PAM: variants seen among roughly 807,000 people sequenced by gnomAD.
The protein encoded by PAM is peptidyl-glycine alpha-amidating monooxygenase.
A neutral mutation model predicts 122.1 loss-of-function variants in PAM; 72 were observed. That is an observed-to-expected ratio of 0.59 (90% CI 0.49 to 0.72). The LOEUF is 0.72. Among genes scored for constraint, PAM ranks in the 30% least tolerant of loss-of-function variants. The probability of loss-of-function intolerance (pLI) is 0.00; values close to 1 mark genes in which losing one functional copy is unlikely to be tolerated. For synonymous variants in PAM, 389 were observed against 404.4 expected, an observed-to-expected ratio of 0.96 and a Z score of 0.46; for missense variants, 1,106 against 1,183.7, an observed-to-expected ratio of 0.93 and a Z score of 0.96.
chr5:102,851,215 A>G (rs1375734142), intron 1 of PAM, among the ~76,000 whole-genome samples: 2 of 152,214 alleles, frequency 1.3e-5, no homozygotes, highest in African/African-American at 4.8e-5. Context: ...TTTAAATACA[A>G]AAGATTCAGG....
At chr5:102,814,718 C>T (rs1460050655) in intron 1 of PAM, among the ~76,000 whole-genome samples, 3 of 151,570 alleles carry the variant, frequency 2.0e-5, no homozygotes, top group African/African-American at 7.3e-5. Context: ...TTCATAAATT[C>T]ATTTTATTTG....
At chr5:102,903,296 GT>G (rs1473638332) in intron 4 of PAM, among the ~76,000 whole-genome samples, 1 of 151,498 alleles carries the variant, frequency 6.6e-6, no homozygotes, top group African/African-American at 2.4e-5. Flanking sequence ...CTATGCCCAG[GT>G]GGTTTGTGGT....
intron 14 of PAM, among the ~76,000 whole-genome samples, chr5:102,968,186 G>T (rs1764694644): frequency 6.6e-6 from 1 of 152,154 alleles, no homozygotes; most frequent in Non-Finnish European, 1.5e-5. Flanking sequence ...TCAGAAGATG[G>T]TTAATTTAAA....
At chr5:102,777,761 C>T (rs1477159067) in intron 1 of PAM, among the ~76,000 whole-genome samples, 2 of 152,064 alleles carry the variant, frequency 1.3e-5, no homozygotes, top group Non-Finnish European at 2.9e-5. Context: ...TTATTTCCCC[C>T]CAGAAATAGA....
chr5:102,940,666 G>A (rs1229643721), intron 7 of PAM, among the ~76,000 whole-genome samples: 1 of 151,896 alleles, frequency 6.6e-6, no homozygotes, highest in Non-Finnish European at 1.5e-5. Flanking sequence ...CCCAACCAAA[G>A]CCCATGAAGC....
chr5:103,001,783 A>T (rs1777473083), intron 16 of PAM, among the ~76,000 whole-genome samples: 1 of 152,110 alleles, frequency 6.6e-6, no homozygotes, highest in African/African-American at 2.4e-5. Context: ...ATGGCAGCCA[A>T]CTGATGAATG....
At chr5:102,844,522 G>A (rs1486742007) in intron 1 of PAM, among the ~76,000 whole-genome samples, 1 of 152,074 alleles carries the variant, frequency 6.6e-6, no homozygotes, top group Admixed American at 6.6e-5. Flanking sequence ...TAAAAAATCA[G>A]CTGGGCATAG....
chr5:102,936,121 G>C (rs149932250), intron 7 of PAM, among the ~76,000 whole-genome samples: 2 of 152,054 alleles, frequency 1.3e-5, no homozygotes, highest in Admixed American at 6.6e-5. Context: ...TGTTGTATCT[G>C]TGTGGTGGAA....
At chr5:102,967,716 CTT>C (rs199841427) in intron 14 of PAM, among the ~76,000 whole-genome samples, 8 of 131,024 alleles carry the variant, frequency 6.1e-5, no homozygotes, top group Non-Finnish European at 9.6e-5. Flanking sequence ...AAAACTAGGC[CTT>C]TTTTTTTTTT....
chr5:102,796,521 A>G (rs1763416164), intron 1 of PAM, among the ~76,000 whole-genome samples: 1 of 152,174 alleles, frequency 6.6e-6, no homozygotes. Context: ...TCTTGGTAAG[A>G]TTATAATTCT....
At chr5:102,779,172 T>C (rs1406460635) in intron 1 of PAM, among the ~76,000 whole-genome samples, 1 of 151,886 alleles carries the variant, frequency 6.6e-6, no homozygotes, top group Admixed American at 6.6e-5. Flanking sequence ...GAAATTTATG[T>C]GTAATATAAC....
At chr5:103,030,169 ATTGT>A (rs1786061127), downstream of PAM, 1 of 152,208 alleles carries the variant, frequency 6.6e-6, no homozygotes, top group South Asian at 2.1e-4. Context: ...AAGCAGAAGG[ATTGT>A]TTGAGCCCAG....
chr5:102,796,678 C>A (rs536419902), intron 1 of PAM, among the ~76,000 whole-genome samples: 1 of 152,204 alleles, frequency 6.6e-6, no homozygotes, highest in Non-Finnish European at 1.5e-5. Context: ...TTCGTTTGCT[C>A]ATCACATTCA....
At chr5:102,771,075 A>C (rs1175720410) in intron 1 of PAM, among the ~76,000 whole-genome samples, 1 of 152,086 alleles carries the variant, frequency 6.6e-6, no homozygotes, top group Non-Finnish European at 1.5e-5. Flanking sequence ...CACCATTTGA[A>C]GATTGCGGCT....
chr5:102,759,849 A>T (rs1751805765), intron 1 of PAM, among the ~76,000 whole-genome samples: 1 of 152,198 alleles, frequency 6.6e-6, no homozygotes. Context: ...GTGTTACAAG[A>T]TGCAGTCTAG....
At chr5:102,834,917 C>T (rs139904796) in intron 1 of PAM, among the ~76,000 whole-genome samples, 1 of 152,040 alleles carries the variant, frequency 6.6e-6, no homozygotes, top group Admixed American at 6.6e-5. Context: ...AACCTGGACA[C>T]AAAGATAGTG....
Position 102,949,524 on chromosome 5 carries a change from T to C in PAM, c.644-13T>C. On this transcript the variant is annotated splice_polypyrimidine_tract_variant and intron_variant, in intron 9 of 25. Transcript: ENST00000438793. ...TGAATAGTGACTTTTGTCTGTGTTT[T>C]CATTTCCCACAGTGGTGAATTCTGA... is the stretch of plus-strand genomic sequence containing the variant. 1 of 1,361,770 alleles carries C rather than the reference T, an allele frequency of 7.3e-7. No individual in the cohort carries two copies. The allele number at this position is 1,361,770 out of a possible 1,614,324, so 84.4% of individuals were successfully genotyped here.
intron 7 of PAM, among the ~76,000 whole-genome samples, chr5:102,945,692 T>A (rs1756820033): frequency 6.6e-6 from 1 of 152,122 alleles, no homozygotes; most frequent in Non-Finnish European, 1.5e-5. Flanking sequence ...AGTCACAGAA[T>A]AAGTCTATCC....
At chr5:102,822,398 G>A (rs1357771973) in intron 1 of PAM, among the ~76,000 whole-genome samples, 4 of 152,012 alleles carry the variant, frequency 2.6e-5, no homozygotes, top group Admixed American at 6.6e-5. Context: ...GCACATACAC[G>A]CATTCACTCA....
Sources: gnomAD v4.1 joint callset for allele counts (sites outside exome capture counted in the v4.1 genomes callset) on GRCh38, gnomAD v4.1.1 for gene constraint, MANE v1.5 for transcripts, NCBI Gene and HGNC (gene_info 2026-07-23, HGNC 2026-07-21) for gene names.